FABP5: variants seen among roughly 807,000 people sequenced by gnomAD.
FABP5 encodes fatty acid binding protein 5, also known as fatty acid-binding protein 5.
A neutral mutation model predicts 16.9 loss-of-function variants in FABP5; 7 were observed. The ratio of observed to expected loss-of-function variants is 0.41; its 90% CI spans 0.24 to 0.78. The LOEUF is 0.78. Among genes scored for constraint, FABP5 ranks in the 30% least tolerant of loss-of-function variants. The probability of loss-of-function intolerance (pLI) is 0.30; values close to 1 mark genes in which losing one functional copy is unlikely to be tolerated. For synonymous variants in FABP5, 37 were observed against 52.8 expected (o/e 0.70, Z 1.30); for missense variants, 119 against 159.5 (o/e 0.75, Z 1.37).
Position 81,283,347 on chromosome 8 carries a change from A to G in FABP5, c.80-19A>G, listed in dbSNP as rs1335684075. The G allele has an allele frequency of 5.2e-6, 8 of 1,553,298 alleles. No homozygotes were observed. The highest frequency in any genetic ancestry group is 1.4e-5 in the African/African-American group (1 of 72,432). The stretch of plus-strand genomic sequence containing the variant: ...AACTTTGGTCTTCCTGTTATTTAAC[A>G]TGACTTAACATTCTACAGGAGTGGG... On this transcript the variant is annotated intron_variant, in intron 1 of 3. Transcript: ENST00000297258.
At position 81,280,867 on chromosome 8, in the gene FABP5, G is replaced by A. The variant is rs1173720980; in HGVS notation, c.79+193G>A. The A allele has an allele frequency of 8.8e-6, 5 of 570,434 alleles. No individual in the cohort carries two copies. The Admixed American group carries it at 9.2e-5, about 11-fold the overall frequency. The allele number at this position is 570,434 out of a possible 1,614,324, so 35.3% of individuals were successfully genotyped here. ...CCACGCGGGCAGGCGGCGAGGAGCA[G>A]GGAGCGTGCGCGCCTCTTGCCCGCC... On this transcript the variant is annotated intron_variant, in intron 1 of 3. Transcript: ENST00000297258.
rs975590343 is a variant in FABP5 at position 81,281,026 on chromosome 8, C to G, written c.79+352C>G. On this transcript the variant is annotated intron_variant, in intron 1 of 3. Coordinates refer to ENST00000297258, the MANE Select transcript of FABP5 (RefSeq NM_001444.3). The surrounding 1 kb of genome is among the most constrained non-coding windows in gnomAD (Gnocchi z 4.5). ...CGCGCACCCGTCACCTCACGCTGCA[C>G]TTCTTTCGACCCCCTCCAGGCGACC... is the stretch of plus-strand genomic sequence containing the variant. 1 of 236,392 alleles carries G rather than the reference C, an allele frequency of 4.2e-6. No individual in the cohort carries two copies. The highest frequency in any genetic ancestry group is 2.3e-5 in the African/African-American group (1 of 43,454). 14.6% of individuals were successfully genotyped at this position (236,392 alleles called of 1,614,324 possible). A position where few individuals can be genotyped will look rare whatever the true frequency, so the allele number is the denominator to read the frequency against.
chr8:81,281,304 T>C lies in FABP5; in HGVS notation c.79+630T>C. On this transcript the variant is annotated intron_variant, in intron 1 of 3. Coordinates refer to ENST00000297258, the MANE Select transcript of FABP5 (RefSeq NM_001444.3). This position sits in a 1 kb window ranked among gnomAD's most constrained non-coding sequence, Gnocchi z 4.5. Reference sequence around the variant, plus strand: ...AGCTTGCATTCCTCTGTCAGCCCCGTCTCCCCCAGGTCCTCTGCTCGCCCT... The same window carrying C: ...AGCTTGCATTCCTCTGTCAGCCCCGCCTCCCCCAGGTCCTCTGCTCGCCCT... 2 of 969,908 alleles carry C rather than the reference T, an allele frequency of 2.1e-6. No homozygotes were observed. The highest frequency in any genetic ancestry group is 2.5e-6 in the Non-Finnish European group (2 of 815,822). The allele number at this position is 969,908 out of a possible 1,614,324, so 60.1% of individuals were successfully genotyped here.
At chr8:81,283,807 G>C in intron 2 of FABP5, 66 bp from the exon 3 acceptor site, 2 of 1,283,004 alleles carry the variant, frequency 1.6e-6, no homozygotes, top group Non-Finnish European at 2.2e-6. Flanking sequence ...TGATTAAGGA[G>C]GTTATGAGTC....
chr8:81,280,723 CGT>C, intron 1 of FABP5, 49 bp downstream of exon 1: 1 of 1,508,832 alleles, frequency 6.6e-7, no homozygotes. Context: ...GTTGTGCGGT[CGT>C]CTGTCCCTAG....
chr8:81,284,005 C>T, intron 3 of FABP5, 31 bp downstream of exon 3: 3 of 1,470,110 alleles, frequency 2.0e-6, no homozygotes, highest in Non-Finnish European at 2.8e-6. Context: ...TCTCAGTCAG[C>T]TTCTTGTGTG....
chr8:81,284,176 G>T (rs1177942548), intron 3 of FABP5: 1 of 554,112 alleles, frequency 1.8e-6, no homozygotes, highest in African/African-American at 1.9e-5. Context: ...GATTTGGCTG[G>T]AGTTGGGGGG....
At chr8:81,282,377 A>G (rs977607513) in intron 1 of FABP5, among the ~76,000 whole-genome samples, 5 of 152,224 alleles carry the variant, frequency 3.3e-5, no homozygotes, top group African/African-American at 1.2e-4. Flanking sequence ...GTGAGAGTAC[A>G]TAATGACTCA....
Position 81,280,574 on chromosome 8 carries a change from C to T in FABP5, c.-22C>T, listed in dbSNP as rs761097135. The T allele has an allele frequency of 3.2e-6, 5 of 1,549,704 alleles. No homozygotes were observed. The highest frequency in any genetic ancestry group is 2.4e-5 in the East Asian group (1 of 41,028). ...ACGCCGACGCAGACCCCTCTCTGCA[C>T]GCCAGCCCGCCCGCACCCACCATGG... On this transcript the variant is annotated 5_prime_UTR_variant, in exon 1 of 4. It adds an upstream start codon to the 5' untranslated region. Transcript: ENST00000297258.
chr8:81,282,167 AGTGTGTGTGTGTGT>A (rs10700115), intron 1 of FABP5, among the ~76,000 whole-genome samples: 2 of 147,692 alleles, frequency 1.4e-5, no homozygotes, highest in African/African-American at 2.5e-5. Flanking sequence ...AATAAATAAC[AGTGTGTGTGTGTGT>A]GTGTGTGTGT....
In FABP5 at chr8:81,281,004, G is replaced by A. The variant is rs1586288526; in HGVS notation, c.79+330G>A. On this transcript the variant is annotated intron_variant, in intron 1 of 3. Coordinates refer to ENST00000297258, the MANE Select transcript of FABP5 (RefSeq NM_001444.3). This position sits in a 1 kb window ranked among gnomAD's most constrained non-coding sequence, Gnocchi z 4.5. ...CATTGCTTCCTGTCCTTTAGCGCGCGCACCCGTCACCTCACGCTGCACTTC... is the reference window on the plus strand; with the variant it reads ...CATTGCTTCCTGTCCTTTAGCGCGCACACCCGTCACCTCACGCTGCACTTC... The A allele has an allele frequency of 7.3e-6, 2 of 275,816 alleles. No homozygotes were observed. The highest frequency in any genetic ancestry group is 5.6e-5 in the South Asian group (1 of 17,872). 17.1% of individuals were successfully genotyped at this position (275,816 alleles called of 1,614,324 possible).
chr8:81,281,374 C>T lies in FABP5; in HGVS notation c.79+700C>T. On this transcript the variant is annotated intron_variant, in intron 1 of 3. Transcript: ENST00000297258. The surrounding 1 kb of genome is among the most constrained non-coding windows in gnomAD (Gnocchi z 4.5). The stretch of plus-strand genomic sequence containing the variant: ...TTTGGATTGGTACCCCATGGAACAC[C>T]AGGGCCCCCGAGAAGCGTGGCGCTG... The T allele has an allele frequency of 1.0e-6, 1 of 985,660 alleles. No homozygotes were observed. The highest frequency in any genetic ancestry group is 1.2e-6 in the Non-Finnish European group (1 of 830,156). 61.1% of individuals were successfully genotyped at this position (985,660 alleles called of 1,614,324 possible).
At chr8:81,284,161 G>A in intron 3 of FABP5, 187 bp downstream of exon 3, 2 of 575,418 alleles carry the variant, frequency 3.5e-6, no homozygotes, top group Non-Finnish European at 3.0e-6. Context: ...CATGACATAG[G>A]AGAGGATTTG....
rs546832872 is a variant in FABP5, at chr8:81,282,557, A to G, written c.80-809A>G. ...GATCTAAGATTCCTTATACATGTTA[A>G]CTAACTCTAAGGGGAAAGAGATAGA... On this transcript the variant is annotated intron_variant, in intron 1 of 3. Transcript: ENST00000297258. Among the ~76,000 whole-genome samples, 4 of 152,330 alleles carry G rather than the reference A, an allele frequency of 2.6e-5. No individual in the cohort carries two copies. In the South Asian group the frequency reaches 8.3e-4, roughly 32 times the overall value.
At position 81,281,217 on chromosome 8, in the gene FABP5, G is replaced by T; in HGVS notation, c.79+543G>T. 1 of 476,276 alleles carries T rather than the reference G, an allele frequency of 2.1e-6. No individual in the cohort carries two copies. Among genetic ancestry groups the T allele is most frequent in the Non-Finnish European group, 2.7e-6 (1 of 364,086 alleles). 29.5% of individuals were successfully genotyped at this position (476,276 alleles called of 1,614,324 possible). A position where few individuals can be genotyped will look rare whatever the true frequency, so the allele number is the denominator to read the frequency against. ...CCCTCCGTTTTCTTCATGGGGACGC[G>T]GTGCTGGCGCGCAGTTTCCCGCAGA... On this transcript the variant is annotated intron_variant, in intron 1 of 3. Transcript: ENST00000297258. The surrounding 1 kb of genome is among the most constrained non-coding windows in gnomAD (Gnocchi z 4.5).
At chr8:81,280,992 C>G in intron 1 of FABP5, 1 of 303,894 alleles carries the variant, frequency 3.3e-6, no homozygotes, top group Non-Finnish European at 6.2e-6. Flanking sequence ...TGCTTCCTGT[C>G]CTTTAGCGCG....
chr8:81,284,313 T>G (rs1049929978), intron 3 of FABP5: 20 of 552,434 alleles, frequency 3.6e-5, no homozygotes, highest in African/African-American at 3.0e-4. Flanking sequence ...TTCAACACAT[T>G]AGTTTTCTGT....
chr8:81,283,769 C>A, intron 2 of FABP5, 104 bp from the exon 3 acceptor site: 1 of 1,050,250 alleles, frequency 9.5e-7, no homozygotes, highest in Non-Finnish European at 1.4e-6. Context: ...ATGAAGTAGA[C>A]TCAGAAAGGA....
intron 2 of FABP5, among the ~76,000 whole-genome samples, 154 bp from the exon 3 acceptor site, chr8:81,283,719 G>A (rs1232145966): frequency 1.3e-5 from 2 of 152,170 alleles, no homozygotes; most frequent in African/African-American, 2.4e-5. Flanking sequence ...CTACTAGGTT[G>A]AAAACCACAA....
Sources: gnomAD v4.1 joint callset for allele counts (sites outside exome capture counted in the v4.1 genomes callset) on GRCh38, gnomAD v4.1.1 for gene constraint, Gnocchi (gnomAD v3.1) non-coding constraint, MANE v1.5 for transcripts, NCBI Gene and HGNC (gene_info 2026-07-23, HGNC 2026-07-21) for gene names.